CNOT4: variants seen among roughly 807,000 people sequenced by gnomAD.
CNOT4 encodes CCR4-NOT transcription complex subunit 4.
In CNOT4, 8 loss-of-function variants were observed where a neutral mutation model predicts 73.8. That is an observed-to-expected ratio of 0.11 (90% CI 0.06 to 0.20). The LOEUF is 0.20. Among genes scored for constraint, CNOT4 ranks in the 10% least tolerant of loss-of-function variants. CNOT4 has a pLI of 1.00. For synonymous variants in CNOT4, 293 were observed against 321.1 expected (o/e 0.91, Z 0.94); for missense variants, 564 against 883.4 (o/e 0.64, Z 4.58).
chr7:135,389,574 T>G (rs1302620583), intron 10 of CNOT4, among the ~76,000 whole-genome samples: 1 of 152,134 alleles, frequency 6.6e-6, no homozygotes, highest in Non-Finnish European at 1.5e-5. Flanking sequence ...GTGACTTGTT[T>G]CACACATGAC....
rs1045063460 is a variant in CNOT4, at chr7:135,393,586, C to T, written c.1627+332G>A. Among the ~76,000 whole-genome samples the T allele has an allele frequency of 6.6e-5, 10 of 152,110 alleles. No homozygotes were observed. The East Asian group carries it at 1.5e-3, about 23-fold the overall frequency. ...GAATATAAAATCATAATTTTCACCA[C>T]GGTGTTGGACTTTATAGTACCATAA... On this transcript the variant is annotated intron_variant, in intron 10 of 11. Transcript: ENST00000541284.
chr7:135,497,228 T>C (rs1803647908), intron 1 of CNOT4, among the ~76,000 whole-genome samples: 1 of 151,756 alleles, frequency 6.6e-6, no homozygotes, highest in African/African-American at 2.4e-5. Context: ...GCCAACACAG[T>C]GAAACCCCAT....
chr7:135,423,922 T>C (rs1798333478), intron 2 of CNOT4, among the ~76,000 whole-genome samples: 1 of 152,086 alleles, frequency 6.6e-6, no homozygotes, highest in Non-Finnish European at 1.5e-5. Flanking sequence ...AATATAAATT[T>C]AGTATGATTT....
chr7:135,464,024 C>CAAAAAAAAAAAAAA (rs747402254), intron 1 of CNOT4, among the ~76,000 whole-genome samples: 2 of 109,638 alleles, frequency 1.8e-5, no homozygotes, highest in East Asian at 2.6e-4. Context: ...ATTAAAAAGT[C>CAAAAAAAAAAAAAA]AAAAAAAAAA....
rs1385010040 is a variant in CNOT4 at position 135,388,286 on chromosome 7, C to A, written c.1627+5632G>T. The A allele has an allele frequency of 3.0e-6, 3 of 985,050 alleles. No individual in the cohort carries two copies. The African/African-American group carries it at 5.2e-5, about 17-fold the overall frequency. 61.0% of individuals were successfully genotyped at this position (985,050 alleles called of 1,614,324 possible). A position where few individuals can be genotyped will look rare whatever the true frequency, so the allele number is the denominator to read the frequency against. On this transcript the variant is annotated intron_variant, in intron 10 of 11. Transcript: ENST00000541284. ...ATAAATCTAGACAACTAAAAACAAT[C>A]GCCAACAATATCCTTCTGAGCATTA...
chr7:135,479,087 T>C (rs1251439207), intron 1 of CNOT4, among the ~76,000 whole-genome samples: 1 of 152,218 alleles, frequency 6.6e-6, no homozygotes, highest in East Asian at 1.9e-4. Context: ...GAAATGAAAT[T>C]GCTAGATGAA....
rs371938179 is a variant in CNOT4 at position 135,472,409 on chromosome 7, G to A, written c.-92-33986C>T. Among the ~76,000 whole-genome samples the A allele has an allele frequency of 1.2e-3, 163 of 140,020 alleles. 4 individuals are homozygous for A. In the East Asian group the frequency reaches 0.026, roughly 23 times the overall value. 91.9% of individuals were successfully genotyped at this position (140,020 alleles called of 152,430 possible). ...GGAGAATGGCGTGAACCTGGGACGC[G>A]GAGCTTGCAGCGAGCAGAGATCATG... is the stretch of plus-strand genomic sequence containing the variant. On this transcript the variant is annotated intron_variant, in intron 1 of 11. Coordinates refer to ENST00000541284, the MANE Select transcript of CNOT4 (RefSeq NM_001190850.2).
chr7:135,443,565 T>C (rs919685332), intron 1 of CNOT4, among the ~76,000 whole-genome samples: 5 of 152,186 alleles, frequency 3.3e-5, no homozygotes, highest in African/African-American at 1.2e-4. Context: ...TACTTGGAAG[T>C]GGAGTGCAAA....
chr7:135,497,145 C>G (rs182823983), intron 1 of CNOT4, among the ~76,000 whole-genome samples: 45 of 151,776 alleles, frequency 3.0e-4, no homozygotes, highest in Non-Finnish European at 6.2e-4. Context: ...TGGTGGCTCA[C>G]GCCTATAATC....
At chr7:135,483,891 C>T (rs373891183) in intron 1 of CNOT4, among the ~76,000 whole-genome samples, 3 of 152,218 alleles carry the variant, frequency 2.0e-5, no homozygotes, top group African/African-American at 7.2e-5. Flanking sequence ...AGAACATCTA[C>T]AAAAAAACCT....
At chr7:135,436,445 T>C (rs911841212) in intron 2 of CNOT4, among the ~76,000 whole-genome samples, 16 of 151,954 alleles carry the variant, frequency 1.1e-4, no homozygotes, top group Admixed American at 2.6e-4. Context: ...TCATTACTTC[T>C]GATGAAATAG....
chr7:135,422,126 C>A (rs1400350898), intron 3 of CNOT4, 30 bp downstream of exon 3: 1 of 1,368,642 alleles, frequency 7.3e-7, no homozygotes, highest in Non-Finnish European at 1.0e-6. Flanking sequence ...CAAAAAATAT[C>A]AAGATGACAA....
rs913113388 is a variant in CNOT4, at chr7:135,482,103, C to A, written c.-93+27786G>T. 3.3e-4 allele frequency among the ~76,000 whole-genome samples: 50 copies of A among 152,154 alleles called. 1 individual carries two copies. Among genetic ancestry groups the A allele is most frequent in the African/African-American group, 1.2e-3 (50 of 41,436 alleles). On this transcript the variant is annotated intron_variant, in intron 1 of 11. Coordinates refer to ENST00000541284, the MANE Select transcript of CNOT4 (RefSeq NM_001190850.2). Reference sequence around the variant, plus strand: ...AAGAAAGAATTTTAAATGTTCCCAACACAAATAATAAATATTAAAGGTGAT... The same window carrying A: ...AAGAAAGAATTTTAAATGTTCCCAAAACAAATAATAAATATTAAAGGTGAT...
chr7:135,503,241 G>A (rs1476322200), intron 1 of CNOT4, among the ~76,000 whole-genome samples: 1 of 152,104 alleles, frequency 6.6e-6, no homozygotes, highest in South Asian at 2.1e-4. Context: ...GAGATAAGAG[G>A]ATCACTTAAG....
At chr7:135,399,516 G>C (rs1235869159) in intron 7 of CNOT4, among the ~76,000 whole-genome samples, 1 of 152,032 alleles carries the variant, frequency 6.6e-6, no homozygotes, top group Non-Finnish European at 1.5e-5. Context: ...TTGATATGTG[G>C]TACATGACTA....
chr7:135,496,088 GTTTTTGTT>G (rs1803559724), intron 1 of CNOT4, among the ~76,000 whole-genome samples: 1 of 151,876 alleles, frequency 6.6e-6, no homozygotes, highest in Non-Finnish European at 1.5e-5. Context: ...TGACTAAATA[GTTTTTGTT>G]TTTTTGTTTT....
chr7:135,445,506 C>T (rs1219993096), intron 1 of CNOT4, among the ~76,000 whole-genome samples: 3 of 152,150 alleles, frequency 2.0e-5, no homozygotes. Context: ...GCTTGGAGTG[C>T]TTCTGAATAT....
At chr7:135,494,747 G>A (rs1803354121) in intron 1 of CNOT4, among the ~76,000 whole-genome samples, 1 of 152,060 alleles carries the variant, frequency 6.6e-6, no homozygotes, top group Non-Finnish European at 1.5e-5. Flanking sequence ...AATATTAGAG[G>A]AAAGGGGCCT....
At chr7:135,504,908 G>C (rs946929719) in intron 1 of CNOT4, among the ~76,000 whole-genome samples, 1 of 152,090 alleles carries the variant, frequency 6.6e-6, no homozygotes, top group Non-Finnish European at 1.5e-5. Flanking sequence ...GATTACAGGC[G>C]TGAGCCACCG....
Sources: gnomAD v4.1 joint callset for allele counts (sites outside exome capture counted in the v4.1 genomes callset) on GRCh38, gnomAD v4.1.1 for gene constraint, MANE v1.5 for transcripts, NCBI Gene and HGNC (gene_info 2026-07-23, HGNC 2026-07-21) for gene names.